Variants in SLC12A2 observed in about 807,000 individuals in gnomAD.
SLC12A2 encodes Na-K-2Cl cotransporter 1.
A neutral mutation model predicts 136.3 loss-of-function variants in SLC12A2; 67 were observed. That is an observed-to-expected ratio of 0.49 (90% CI 0.40 to 0.60). The LOEUF (loss-of-function observed/expected upper bound fraction) is 0.60. Among genes scored for constraint, SLC12A2 ranks in the 20% least tolerant of loss-of-function variants. The pLI is 0.00. For synonymous variants in SLC12A2, 619 were observed against 562.9 expected, an observed-to-expected ratio of 1.10 and a Z score of -1.41; for missense variants, 1,322 against 1,534.7, an observed-to-expected ratio of 0.86 and a Z score of 2.32.
In SLC12A2 at chr5:128,084,323, C is replaced by T. The variant is rs764981128; in HGVS notation, c.369C>T (p.Ser123=). 1.1e-5 allele frequency: 17 copies of T among 1,552,344 alleles called. No individual in the cohort carries two copies. The highest frequency in any genetic ancestry group is 1.4e-5 in the African/African-American group (1 of 73,814). ...AGACCCCCGCGGACGGGGAAGCCAG[C>T]GGCGAGAGCGAGCCGGCTAAAGGCA... The part of the protein sequence containing the change: ...AKQTPADGEA[S]GESEPAKGSE... The change falls in exon 1 of 27, where the codon AGC becomes AGT. Residue 123 remains serine (S), a synonymous_variant. Coordinates refer to ENST00000262461, the MANE Select transcript of SLC12A2 (RefSeq NM_001046.3). The surrounding 1 kb of genome is among the most constrained non-coding windows in gnomAD (Gnocchi z 5.6).
At chr5:128,164,055 A>G (rs1763125937) in intron 17 of SLC12A2, among the ~76,000 whole-genome samples, 1 of 152,182 alleles carries the variant, frequency 6.6e-6, no homozygotes, top group African/African-American at 2.4e-5. Flanking sequence ...AAATTTTAGG[A>G]AGGAAATGAA....
intron 23 of SLC12A2, 46 bp downstream of exon 23, chr5:128,181,040 T>TGAAG: frequency 8.6e-6 from 9 of 1,049,006 alleles, no homozygotes; most frequent in Non-Finnish European, 1.0e-5. Flanking sequence ...TAGCACTTCA[T>TGAAG]TGCTACAGTA....
intron 1 of SLC12A2, among the ~76,000 whole-genome samples, chr5:128,102,458 A>G (rs1024850288): frequency 9.2e-5 from 14 of 151,884 alleles, no homozygotes; most frequent in African/African-American, 2.9e-4. Context: ...CCTGAAGACT[A>G]TTAGTCAGTT....
At chr5:128,163,525 T>C (rs1462344135) in intron 17 of SLC12A2, among the ~76,000 whole-genome samples, 1 of 150,456 alleles carries the variant, frequency 6.6e-6, no homozygotes, top group African/African-American at 2.4e-5. Context: ...CGAGACCCCA[T>C]CTCAAAAAAA....
chr5:128,151,147 CAACCATAAAG>C, intron 13 of SLC12A2, 84 bp from the exon 14 acceptor site: 1 of 1,097,218 alleles, frequency 9.1e-7, no homozygotes, highest in Non-Finnish European at 1.3e-6. Context: ...CTCAGTGTGG[CAACCATAAAG>C]AATGTTATTT....
intron 4 of SLC12A2, among the ~76,000 whole-genome samples, chr5:128,118,895 T>C (rs1161422582): frequency 6.6e-6 from 1 of 151,996 alleles, no homozygotes; most frequent in Non-Finnish European, 1.5e-5. Context: ...CAGCATAGGG[T>C]GATGACAGAA....
At chr5:128,154,597 A>G (rs1762815687) in intron 15 of SLC12A2, among the ~76,000 whole-genome samples, 1 of 152,138 alleles carries the variant, frequency 6.6e-6, no homozygotes, top group Admixed American at 6.6e-5. Flanking sequence ...CATAAATAGC[A>G]TGCTTGTCTT....
At chr5:128,164,917 A>G (rs1275346932) in intron 17 of SLC12A2, among the ~76,000 whole-genome samples, 1 of 146,056 alleles carries the variant, frequency 6.8e-6, no homozygotes, top group African/African-American at 2.6e-5. Flanking sequence ...GCTGTAGCTG[A>G]CTGCAGCCTT....
chr5:128,126,743 C>G (rs1001476197), intron 4 of SLC12A2, among the ~76,000 whole-genome samples: 1 of 151,630 alleles, frequency 6.6e-6, no homozygotes, highest in Non-Finnish European at 1.5e-5. Flanking sequence ...ACATCCTTTC[C>G]TTGTTCCTAG....
intron 18 of SLC12A2, chr5:128,168,582 A>G (rs1763275299): frequency 6.6e-6 from 1 of 152,136 alleles, no homozygotes; most frequent in African/African-American, 2.4e-5. Flanking sequence ...ATTATTACAT[A>G]TTCACCGTAA....
At chr5:128,128,601 A>G (rs1561674791) in intron 4 of SLC12A2, among the ~76,000 whole-genome samples, 1 of 152,098 alleles carries the variant, frequency 6.6e-6, no homozygotes, top group African/African-American at 2.4e-5. Flanking sequence ...GAGTTTAAAT[A>G]CAGTTCTTTA....
chr5:128,119,148 T>C (rs1272530879), intron 4 of SLC12A2, among the ~76,000 whole-genome samples: 2 of 152,164 alleles, frequency 1.3e-5, no homozygotes, highest in Non-Finnish European at 2.9e-5. Flanking sequence ...TTGTAAGGGC[T>C]ACTTAGAGAG....
chr5:128,116,006 G>A (rs924775167), intron 4 of SLC12A2, among the ~76,000 whole-genome samples: 7 of 152,184 alleles, frequency 4.6e-5, no homozygotes, highest in Non-Finnish European at 7.4e-5. Flanking sequence ...GATATACAGT[G>A]TGGATATGTT....
chr5:128,096,921 T>A (rs955998971), intron 1 of SLC12A2, among the ~76,000 whole-genome samples: 6 of 152,048 alleles, frequency 3.9e-5, no homozygotes, highest in African/African-American at 1.4e-4. Context: ...AAAATAGCAG[T>A]CTGTAATAAC....
intron 4 of SLC12A2, among the ~76,000 whole-genome samples, chr5:128,123,244 C>G (rs1315983871): frequency 1.3e-5 from 2 of 152,056 alleles, no homozygotes; most frequent in Non-Finnish European, 1.5e-5. Flanking sequence ...TTGGAAGATT[C>G]CATGTTTGTC....
intron 4 of SLC12A2, among the ~76,000 whole-genome samples, chr5:128,118,842 C>T (rs1761449867): frequency 6.6e-6 from 1 of 152,022 alleles, no homozygotes; most frequent in African/African-American, 2.4e-5. Context: ...CTCCAGGAAA[C>T]ATTTTATAGA....
intron 4 of SLC12A2, among the ~76,000 whole-genome samples, chr5:128,125,524 A>T (rs771135883): frequency 9.2e-5 from 14 of 152,116 alleles, no homozygotes; most frequent in Non-Finnish European, 1.6e-4. Flanking sequence ...ACTGATTTGT[A>T]GATTTTTCTA....
intron 1 of SLC12A2, among the ~76,000 whole-genome samples, chr5:128,085,700 T>G (rs1323320416): frequency 3.3e-5 from 5 of 152,236 alleles, no homozygotes. Flanking sequence ...CCACATAGGT[T>G]GAAATGATCA....
chr5:128,174,236 A>C lies in SLC12A2; in HGVS notation c.2804-305A>C, dbSNP rs575092806. On this transcript the variant is annotated intron_variant, in intron 19 of 26. Transcript: ENST00000262461. ...AGGTTGATTTTGGAATATTTGCATT[A>C]CATAGTACTTACCAGTTGAGCATCT... Among the ~76,000 whole-genome samples the C allele has an allele frequency of 2.0e-5, 3 of 152,244 alleles. No individual in the cohort carries two copies. In the South Asian group the frequency reaches 6.2e-4, roughly 32 times the overall value.
Sources: gnomAD v4.1 joint callset for allele counts (sites outside exome capture counted in the v4.1 genomes callset) on GRCh38, gnomAD v4.1.1 for gene constraint, Gnocchi (gnomAD v3.1) non-coding constraint, MANE v1.5 for transcripts, NCBI Gene and HGNC (gene_info 2026-07-23, HGNC 2026-07-21) for gene names.